Variants in EXOC2 observed in about 807,000 individuals in gnomAD.
EXOC2 encodes exocyst complex component 2, also known as SEC5-like 1.
Under a neutral mutation model 131.8 loss-of-function variants are expected in EXOC2, and 70 were observed. The ratio of observed to expected loss-of-function variants is 0.53; its 90% CI spans 0.44 to 0.65. The LOEUF is 0.65. Ranked by LOEUF, EXOC2 falls within the 30% of genes least tolerant of loss-of-function variation. EXOC2 has a pLI of 0.00. For synonymous variants in EXOC2, 411 were observed against 398.4 expected (o/e 1.03, Z -0.38); for missense variants, 923 against 1,108.6 (o/e 0.83, Z 2.38).
Position 657,532 on chromosome 6 carries a change from T to C in EXOC2, c.-43-19671A>G, listed in dbSNP as rs138073810. ...TAACACAAATGACATTTGGATGATT[T>C]CCAATTTTTTGCTATTATGAACACA... On this transcript the variant is annotated intron_variant, in intron 1 of 27. Coordinates refer to ENST00000230449, the MANE Select transcript of EXOC2 (RefSeq NM_018303.6). Among the ~76,000 whole-genome samples, 822 of 152,344 alleles carry C rather than the reference T, an allele frequency of 5.4e-3. 10 individuals carry two copies. The highest frequency in any genetic ancestry group is 0.019 in the African/African-American group (785 of 41,580).
intron 6 of EXOC2, among the ~76,000 whole-genome samples, chr6:616,602 C>CAAAAAAAAAAA (rs70985805): frequency 1.4e-5 from 1 of 69,498 alleles, no homozygotes; most frequent in African/African-American, 5.3e-5. Context: ...AACTCCGTCT[C>CAAAAAAAAAAA]AAAAAAAAAA....
At chr6:630,444 C>A (rs570559664) in intron 3 of EXOC2, among the ~76,000 whole-genome samples, 1 of 152,086 alleles carries the variant, frequency 6.6e-6, no homozygotes, top group Admixed American at 6.5e-5. Flanking sequence ...ACAAAACATT[C>A]GAGTAAAATG....
intron 23 of EXOC2, among the ~76,000 whole-genome samples, chr6:514,682 C>T (rs1765041791): frequency 1.3e-5 from 2 of 152,128 alleles, no homozygotes; most frequent in African/African-American, 2.4e-5. Context: ...CCAAAGGGGT[C>T]GCCCCTGGGG....
intron 23 of EXOC2, among the ~76,000 whole-genome samples, chr6:505,379 A>T (rs1459757728): frequency 6.6e-6 from 1 of 152,242 alleles, no homozygotes; most frequent in African/African-American, 2.4e-5. Flanking sequence ...CTGAGCGAAG[A>T]GGATCGGGGG....
At chr6:580,272 C>T (rs1385312260) in intron 11 of EXOC2, among the ~76,000 whole-genome samples, 1 of 152,098 alleles carries the variant, frequency 6.6e-6, no homozygotes, top group Non-Finnish European at 1.5e-5. Flanking sequence ...GAACTCCTGA[C>T]CTTGTGATCT....
rs138561697 is a variant in EXOC2, at chr6:516,075, T to G, written c.2381-16375A>C. On this transcript the variant is annotated intron_variant, in intron 23 of 27. Transcript: ENST00000230449. ...GCAGAACGTTTTTCAGTTTTCCAGT[T>G]CAAAGGAATAATCTGGAACTGTCTA... Among the ~76,000 whole-genome samples the G allele has an allele frequency of 2.9e-3, 446 of 152,256 alleles. 5 individuals are homozygous for G. The highest frequency in any genetic ancestry group is 0.01 in the African/African-American group (425 of 41,532).
intron 4 of EXOC2, among the ~76,000 whole-genome samples, chr6:621,666 G>A (rs3757126): frequency 0.043 from 6,503 of 152,130 alleles, 313 homozygotes; most frequent in South Asian, 0.17. Flanking sequence ...TGAGTCGATC[G>A]TGCATCTTTT....
chr6:686,432 A>T (rs1371196724), intron 1 of EXOC2, among the ~76,000 whole-genome samples: 1 of 152,154 alleles, frequency 6.6e-6, no homozygotes, highest in African/African-American at 2.4e-5. Flanking sequence ...CTTGATTTTT[A>T]TTTATTTATT....
chr6:624,643 A>T (rs562592202), intron 4 of EXOC2, among the ~76,000 whole-genome samples: 1 of 152,336 alleles, frequency 6.6e-6, no homozygotes, highest in East Asian at 1.9e-4. Flanking sequence ...TGTCAAACAG[A>T]GAACCAGAGG....
intron 22 of EXOC2, among the ~76,000 whole-genome samples, chr6:536,586 G>C (rs1766457666): frequency 6.6e-6 from 1 of 151,974 alleles, no homozygotes; most frequent in Admixed American, 6.6e-5. Flanking sequence ...ACCTAAAATA[G>C]CCCAAACAAT....
At chr6:511,067 G>T (rs1764818460) in intron 23 of EXOC2, among the ~76,000 whole-genome samples, 1 of 152,354 alleles carries the variant, frequency 6.6e-6, no homozygotes, top group African/African-American at 2.4e-5. Flanking sequence ...TGCTATGAGA[G>T]AAGCAGGTCT....
intron 23 of EXOC2, among the ~76,000 whole-genome samples, chr6:504,080 G>C (rs1764385877): frequency 6.6e-6 from 1 of 152,240 alleles, no homozygotes; most frequent in African/African-American, 2.4e-5. Flanking sequence ...ATGCAGCTCT[G>C]ACGGCCAACA....
At chr6:488,021 A>T (rs370480719) in intron 27 of EXOC2, among the ~76,000 whole-genome samples, 3 of 152,218 alleles carry the variant, frequency 2.0e-5, no homozygotes, top group African/African-American at 7.2e-5. Flanking sequence ...CAAATAGAGG[A>T]TGGAAGTTAG....
At position 668,042 on chromosome 6, in the gene EXOC2, T is replaced by C. The variant is rs146142526; in HGVS notation, c.-44+24977A>G. On this transcript the variant is annotated intron_variant, in intron 1 of 27. Coordinates refer to ENST00000230449, the MANE Select transcript of EXOC2 (RefSeq NM_018303.6). ...TCTGAAGAGACATCTCATATAACTC[T>C]GATCTATGCTCCCCTATAGAAAGGT... is the stretch of plus-strand genomic sequence containing the variant. Among the ~76,000 whole-genome samples the C allele has an allele frequency of 1.6e-4, 25 of 152,364 alleles. 1 individual carries two copies. Among genetic ancestry groups the C allele is most frequent in the Non-Finnish European group, 2.6e-4 (18 of 68,042 alleles).
Position 664,248 on chromosome 6 carries a change from G to A in EXOC2, c.-43-26387C>T, listed in dbSNP as rs577020535. On this transcript the variant is annotated intron_variant, in intron 1 of 27. Coordinates refer to ENST00000230449, the MANE Select transcript of EXOC2 (RefSeq NM_018303.6). ...TACCTAACCAAAAACAGGTCTTTCG[G>A]AGGACCTCTACAGAGAAAACTACAA... 5.3e-5 allele frequency among the ~76,000 whole-genome samples: 8 copies of A among 152,138 alleles called. No homozygotes were observed. In the South Asian group the frequency reaches 1.7e-3, roughly 32 times the overall value.
chr6:581,585 A>T (rs184678532), intron 11 of EXOC2, among the ~76,000 whole-genome samples: 2 of 152,328 alleles, frequency 1.3e-5, no homozygotes, highest in Admixed American at 6.5e-5. Context: ...TTGCAGGAAA[A>T]ATGATACAAA....
chr6:629,035 T>C (rs1761717579), intron 4 of EXOC2, among the ~76,000 whole-genome samples: 1 of 152,042 alleles, frequency 6.6e-6, no homozygotes, highest in Admixed American at 6.5e-5. Flanking sequence ...CAGGTGAAAA[T>C]GAAACTAATG....
chr6:644,859 C>T (rs1762508857), intron 1 of EXOC2, among the ~76,000 whole-genome samples: 1 of 152,102 alleles, frequency 6.6e-6, no homozygotes, highest in South Asian at 2.1e-4. Flanking sequence ...AAGTGAAGAT[C>T]TATATCATGA....
At chr6:503,066 G>GTA (rs1764321602) in intron 23 of EXOC2, among the ~76,000 whole-genome samples, 1 of 152,112 alleles carries the variant, frequency 6.6e-6, no homozygotes, top group South Asian at 2.1e-4. Context: ...GCCTGTGCTG[G>GTA]TATTATAATT....
Sources: allele counts gnomAD v4.1 joint callset (sites outside exome capture counted in the v4.1 genomes callset), GRCh38; gene constraint gnomAD v4.1.1; transcripts MANE v1.5; gene names NCBI Gene and HGNC (gene_info 2026-07-23, HGNC 2026-07-21).